The following CPSF2 variants were observed in gnomAD, a reference collection of about 807,000 sequenced individuals.
CPSF2 encodes the protein cleavage and polyadenylation specificity factor subunit 2.
Under a neutral mutation model 84.2 loss-of-function variants are expected in CPSF2, and 51 were observed. The ratio of observed to expected loss-of-function variants is 0.61; its 90% confidence interval spans 0.48 to 0.77. The LOEUF is 0.77. Ranked by LOEUF, CPSF2 falls within the 30% of genes least tolerant of loss-of-function variation. CPSF2 has a pLI of 0.00. For synonymous variants in CPSF2, 286 were observed against 311.9 expected (o/e 0.92, Z 0.87); for missense variants, 641 against 929.4 (o/e 0.69, Z 4.03).
chr14:92,131,818 G>T (rs139671098), intron 3 of CPSF2, among the ~76,000 whole-genome samples: 3 of 151,190 alleles, frequency 2.0e-5, no homozygotes, highest in Non-Finnish European at 4.4e-5. Flanking sequence ...CAGCCTGGGC[G>T]CAAAGCAAGA....
Position 92,157,115 on chromosome 14 carries a change from A to T in CPSF2, c.1595+484A>T, listed in dbSNP as rs1178313933. Reference sequence around the variant, plus strand: ...CTTAGTTAAATAATACCAGTAAGTGATCATTTTGGAATTTCTTTTAAGTCA... The same window carrying T: ...CTTAGTTAAATAATACCAGTAAGTGTTCATTTTGGAATTTCTTTTAAGTCA... On this transcript the variant is annotated intron_variant, in intron 12 of 15. Transcript: ENST00000298875. This position sits in a 1 kb window ranked among gnomAD's most constrained non-coding sequence, Gnocchi z 4.0. Among the ~76,000 whole-genome samples the T allele has an allele frequency of 6.6e-6, 1 of 152,166 alleles. No homozygotes were observed. The highest frequency in any genetic ancestry group is 2.4e-5 in the African/African-American group (1 of 41,430).
chr14:92,131,009 A>C lies in CPSF2; in HGVS notation c.25A>C (p.Thr9Pro). ...AATGACGTCTATTATCAAATTAACTACCCTTTCTGGGGTCCAAGAAGAATC... is the reference window on the plus strand; with the variant it reads ...AATGACGTCTATTATCAAATTAACTCCCCTTTCTGGGGTCCAAGAAGAATC... MTSIIKLT[T>P]LSGVQEESAL... The change falls in exon 3 of 16, where the codon ACC (threonine) becomes CCC (proline). Residue 9 changes from threonine to proline, a missense_variant. Coordinates refer to ENST00000298875, the MANE Select transcript of CPSF2 (RefSeq NM_017437.3). 1 of 1,611,152 alleles carries C rather than the reference A, an allele frequency of 6.2e-7. No homozygotes were observed. Among genetic ancestry groups the C allele is most frequent in the South Asian group, 1.1e-5 (1 of 90,034 alleles).
At chr14:92,123,267 T>C (rs1227094129) in intron 1 of CPSF2, among the ~76,000 whole-genome samples, 1 of 151,692 alleles carries the variant, frequency 6.6e-6, no homozygotes, top group African/African-American at 2.4e-5. Flanking sequence ...TAGCTGGGAC[T>C]ACAGGCGCGC....
intron 3 of CPSF2, 117 bp downstream of exon 3, chr14:92,131,250 T>A: frequency 1.4e-6 from 1 of 699,022 alleles, no homozygotes; most frequent in South Asian, 2.8e-5. Flanking sequence ...GCAAAAGGCT[T>A]AATTTTACTT....
At position 92,159,181 on chromosome 14, in the gene CPSF2, GCACAACAAA is replaced by G. The variant is rs775105244; in HGVS notation, c.2021_2029del (p.Ala674_Lys677delinsGlu). Reference sequence around the variant, plus strand: ...AGCTCCCTCAGATTCTAGCGTTATAGCACAACAAAAGGCCATGAAAAGTCTGTTCGGAGA... The same window carrying G: ...AGCTCCCTCAGATTCTAGCGTTATAGAGGCCATGAAAAGTCTGTTCGGAGA... On this transcript the variant is annotated inframe_deletion, in exon 14 of 16. Coordinates refer to ENST00000298875, the MANE Select transcript of CPSF2 (RefSeq NM_017437.3). 7 of 1,613,844 alleles carry G rather than the reference GCACAACAAA, an allele frequency of 4.3e-6. No individual in the cohort carries two copies. Among genetic ancestry groups the G allele is most frequent in the Middle Eastern group, 3.3e-4 (2 of 6,084 alleles).
intron 2 of CPSF2, among the ~76,000 whole-genome samples, chr14:92,126,526 G>A (rs547275983): frequency 6.6e-6 from 1 of 152,276 alleles, no homozygotes; most frequent in African/African-American, 2.4e-5. Context: ...AAGAACACAT[G>A]AAGGCCAGGC....
chr14:92,151,408 A>G (rs1214799876), intron 9 of CPSF2, among the ~76,000 whole-genome samples: 6 of 151,274 alleles, frequency 4.0e-5, no homozygotes, highest in East Asian at 2.0e-4. Flanking sequence ...AAAACAAAAC[A>G]AAACAAAAAA....
At position 92,171,546 on chromosome 14, in the gene CPSF2, A is replaced by G. The variant is rs556039680; in HGVS notation, c.*9802A>G. The G allele has an allele frequency of 6.6e-6, 1 of 151,606 alleles. No homozygotes were observed. Among genetic ancestry groups the G allele is most frequent in the South Asian group, 2.1e-4 (1 of 4,774 alleles). 9.4% of individuals were successfully genotyped at this position (151,606 alleles called of 1,614,324 possible). ...TCCAGGCTCGTCTTCTATTTTCCCT[A>G]CCCCGCTCCTGACATCAGCCATTTC... is the stretch of plus-strand genomic sequence containing the variant. On this transcript the variant is annotated 3_prime_UTR_variant, in exon 16 of 16. Coordinates refer to ENST00000298875, the MANE Select transcript of CPSF2 (RefSeq NM_017437.3).
At chr14:92,135,305 A>G (rs1595053946) in intron 5 of CPSF2, 62 bp from the exon 6 acceptor site, 1 of 1,431,178 alleles carries the variant, frequency 7.0e-7, no homozygotes, top group Non-Finnish European at 9.5e-7. Context: ...ATAGTTGAGA[A>G]ATAAATAACC....
At chr14:92,149,940 T>A (rs1466604342) in intron 9 of CPSF2, among the ~76,000 whole-genome samples, 1 of 152,066 alleles carries the variant, frequency 6.6e-6, no homozygotes, top group Non-Finnish European at 1.5e-5. Flanking sequence ...CAGGCATGAG[T>A]CACTGCGCCT....
At chr14:92,127,075 C>T (rs1181056504) in intron 2 of CPSF2, among the ~76,000 whole-genome samples, 1 of 152,120 alleles carries the variant, frequency 6.6e-6, no homozygotes, top group Admixed American at 6.6e-5. Context: ...GTATATTAGG[C>T]ACTGTGGAGG....
In CPSF2 at chr14:92,131,021, G is replaced by T; in HGVS notation, c.37G>T (p.Val13Phe). The T allele has an allele frequency of 6.2e-7, 1 of 1,612,718 alleles. No individual in the cohort carries two copies. ...SIIKLTTLSG[V>F]QEESALCYLL... ...TATCAAATTAACTACCCTTTCTGGG[G>T]TCCAAGAAGAATCTGCCCTTTGCTA... Residue 13 changes from valine to phenylalanine, a missense_variant, in exon 3 of 16, where the codon GTC (valine) becomes TTC (phenylalanine). Around this residue, in one of 2 missense-constraint regions of CPSF2, gnomAD observed 211 missense variants for 375.7 expected, o/e 0.56. Coordinates refer to ENST00000298875, the MANE Select transcript of CPSF2 (RefSeq NM_017437.3).
intron 7 of CPSF2, among the ~76,000 whole-genome samples, chr14:92,140,936 C>CA (rs1400390789): frequency 1.3e-5 from 2 of 151,598 alleles, no homozygotes; most frequent in Admixed American, 6.6e-5. Flanking sequence ...AACTGAAAAA[C>CA]AAAAAAAGTA....
intron 3 of CPSF2, 118 bp from the exon 4 acceptor site, chr14:92,133,893 A>T: frequency 2.2e-6 from 2 of 926,468 alleles, no homozygotes; most frequent in Non-Finnish European, 3.3e-6. Flanking sequence ...TTTAGCTCTT[A>T]GTTTTGCTCT....
At position 92,169,646 on chromosome 14, in the gene CPSF2, G is replaced by A. The variant is rs1226073394; in HGVS notation, c.*7902G>A. On this transcript the variant is annotated 3_prime_UTR_variant, in exon 16 of 16. Transcript: ENST00000298875. ...CAAATTCTTAAGGTTTTTCTTATAT[G>A]TGATTTTTTTTTTTTTTTTTTTTTT... 7.8e-6 allele frequency: 1 copy of A among 128,398 alleles called. No individual in the cohort carries two copies. Among genetic ancestry groups the A allele is most frequent in the Non-Finnish European group, 1.6e-5 (1 of 63,368 alleles). The allele number at this position is 128,398 out of a possible 1,614,324, so 8.0% of individuals were successfully genotyped here.
chr14:92,152,308 T>A (rs2069230692), intron 9 of CPSF2, among the ~76,000 whole-genome samples: 2 of 151,756 alleles, frequency 1.3e-5, no homozygotes, highest in South Asian at 4.2e-4. Flanking sequence ...TTTGTATTTT[T>A]AGTAGAGATG....
intron 9 of CPSF2, among the ~76,000 whole-genome samples, chr14:92,145,097 A>G: frequency 6.6e-6 from 1 of 152,224 alleles, no homozygotes; most frequent in East Asian, 1.9e-4. Context: ...AGTTTGTAGC[A>G]ATTGATATAG....
chr14:92,142,188 G>T lies in CPSF2; in HGVS notation c.686G>T (p.Gly229Val). Residue 229 changes from glycine (G) to valine (V), a missense_variant, in exon 8 of 16, where the codon GGT (glycine) becomes GTT (valine). Physicochemically the swap from Gly to Val is moderately radical, Grantham distance 109. Around this residue, in one of 2 missense-constraint regions of CPSF2, gnomAD observed 211 missense variants for 375.7 expected, o/e 0.56. Coordinates refer to ENST00000298875, the MANE Select transcript of CPSF2 (RefSeq NM_017437.3). ...LLTNVLETLRGDGNVLIAVDT... is the reference protein window; with the variant it reads ...LLTNVLETLRVDGNVLIAVDT... ...GCAAATGTCCTGGAAACACTTCGAG[G>T]TGATGGAAATGTGTTAATAGCAGTG... is the stretch of plus-strand genomic sequence containing the variant. 1 of 1,611,080 alleles carries T rather than the reference G, an allele frequency of 6.2e-7. No individual in the cohort carries two copies. Among genetic ancestry groups the T allele is most frequent in the East Asian group, 2.2e-5 (1 of 44,844 alleles).
Position 92,134,674 on chromosome 14 carries a change from A to T in CPSF2, c.415+319A>T, listed in dbSNP as rs148905336. On this transcript the variant is annotated intron_variant, in intron 5 of 15. Coordinates refer to ENST00000298875, the MANE Select transcript of CPSF2 (RefSeq NM_017437.3). ...CAGAGCTTACAGTTAGATTGAGGCAACAAAGTAGCTGAGATGGCTAAATGT... is the reference window on the plus strand; with the variant it reads ...CAGAGCTTACAGTTAGATTGAGGCATCAAAGTAGCTGAGATGGCTAAATGT... Among the ~76,000 whole-genome samples, 83 of 152,334 alleles carry T rather than the reference A, an allele frequency of 5.4e-4. 1 individual carries two copies. In the East Asian group the frequency reaches 0.016, roughly 29 times the overall value.
Sources: gnomAD v4.1 joint callset for allele counts (sites outside exome capture counted in the v4.1 genomes callset) on GRCh38, gnomAD v4.1.1 for gene constraint, gnomAD v4.1.1 regional missense constraint, Gnocchi (gnomAD v3.1) non-coding constraint, MANE v1.5 for transcripts, NCBI Gene and HGNC (gene_info 2026-07-23, HGNC 2026-07-21) for gene names.